The following WDR49 variants were observed in gnomAD, a reference collection of about 807,000 sequenced individuals.
WDR49 encodes WD repeat domain 49, also known as cilia- and flagella-associated protein 337.
A neutral mutation model predicts 119.5 loss-of-function variants in WDR49; 107 were observed. The observed-to-expected ratio is 0.90, with a 90% CI of 0.77 to 1.05. The LOEUF (loss-of-function observed/expected upper bound fraction) is 1.05. Ranked by LOEUF, WDR49 falls within the 50% of genes least tolerant of loss-of-function variation. WDR49 has a pLI of 0.00. For synonymous variants in WDR49, 425 were observed against 418.8 expected (o/e 1.01, Z -0.18); for missense variants, 1,240 against 1,220.5 (o/e 1.02, Z -0.24).
At chr3:167,621,347 G>T in intron 4 of WDR49, 120 bp downstream of exon 4, 3 of 1,014,830 alleles carry the variant, frequency 3.0e-6, no homozygotes, top group Non-Finnish European at 4.1e-6. Flanking sequence ...TGTCCAATGT[G>T]CATGTAATCC....
chr3:167,612,576 T>C (rs1425668164), intron 5 of WDR49, among the ~76,000 whole-genome samples: 1 of 151,286 alleles, frequency 6.6e-6, no homozygotes, highest in African/African-American at 2.4e-5. Flanking sequence ...TTTAGCCAGA[T>C]TAAGAAAAAA....
In WDR49 at chr3:167,531,222, G is replaced by A; in HGVS notation, c.2111C>T (p.Ala704Val). The A allele has an allele frequency of 5.0e-6, 8 of 1,611,626 alleles. No homozygotes were observed. The highest frequency in any genetic ancestry group is 6.8e-6 in the Non-Finnish European group (8 of 1,179,574). The change falls in exon 13 of 19, where the codon GCA becomes GTA. Residue 704 changes from alanine (A) to valine (V), a missense_variant. Transcript: ENST00000682715. The part of the protein sequence containing the change: ...AGRSQPSHPM[A>V]DHSTTGVRNF... ...GCGGACTCCCGTGGTAGAATGGTCTGCCATGGGGTGGGAGGGTTGGCTTCT... is the reference window on the plus strand; with the variant it reads ...GCGGACTCCCGTGGTAGAATGGTCTACCATGGGGTGGGAGGGTTGGCTTCT...
chr3:167,632,424 T>C (rs1026023578), intron 2 of WDR49, among the ~76,000 whole-genome samples: 6 of 152,046 alleles, frequency 3.9e-5, no homozygotes, highest in Non-Finnish European at 7.4e-5. Flanking sequence ...GCCTAGGTTA[T>C]GAAATTTGAC....
chr3:167,555,025 A>T (rs1310222829), intron 9 of WDR49, among the ~76,000 whole-genome samples: 1 of 152,178 alleles, frequency 6.6e-6, no homozygotes, highest in Admixed American at 6.5e-5. Flanking sequence ...TAATGATAAG[A>T]TAGTATTTAG....
At chr3:167,637,264 T>G (rs1029578599) in intron 2 of WDR49, among the ~76,000 whole-genome samples, 2 of 151,742 alleles carry the variant, frequency 1.3e-5, no homozygotes, top group Admixed American at 1.3e-4. Context: ...TTTCCCCACT[T>G]TATGTTTTTG....
At chr3:167,598,635 C>T (rs1048633710) in intron 7 of WDR49, among the ~76,000 whole-genome samples, 1 of 152,212 alleles carries the variant, frequency 6.6e-6, no homozygotes, top group Admixed American at 6.5e-5. Flanking sequence ...GAGGGCTCCC[C>T]AGCCATGTGG....
intron 18 of WDR49, among the ~76,000 whole-genome samples, chr3:167,488,457 G>A (rs1224068291): frequency 6.6e-6 from 1 of 151,602 alleles, no homozygotes; most frequent in Non-Finnish European, 1.5e-5. Flanking sequence ...TCATTACCTG[G>A]GTGCAATATA....
intron 15 of WDR49, among the ~76,000 whole-genome samples, chr3:167,525,696 C>A (rs1367752974): frequency 6.6e-6 from 1 of 152,070 alleles, no homozygotes; most frequent in East Asian, 1.9e-4. Context: ...GATAAACATG[C>A]ATTTATGAAT....
intron 16 of WDR49, among the ~76,000 whole-genome samples, chr3:167,521,694 C>T (rs1219734201): frequency 2.6e-5 from 4 of 151,970 alleles, no homozygotes; most frequent in Non-Finnish European, 5.9e-5. Context: ...AATAAAATAG[C>T]CATTTAGCAT....
At chr3:167,482,228 C>T (rs1379574993) in intron 18 of WDR49, among the ~76,000 whole-genome samples, 2 of 151,984 alleles carry the variant, frequency 1.3e-5, no homozygotes, top group Non-Finnish European at 2.9e-5. Flanking sequence ...AGAGCAATGC[C>T]TACAAGATAA....
chr3:167,574,928 A>G lies in WDR49; in HGVS notation c.1509+990T>C, dbSNP rs146262498. On this transcript the variant is annotated intron_variant, in intron 8 of 18. Transcript: ENST00000682715. ...TGGAATTCAAAATGAGTTGTTTTCT[A>G]AATGATTTTATCTCCTAGAATAACC... 6.1e-3 allele frequency among the ~76,000 whole-genome samples: 924 copies of G among 152,306 alleles called. 6 individuals carry two copies. The highest frequency in any genetic ancestry group is 0.01 in the Middle Eastern group (3 of 294).
Position 167,568,049 on chromosome 3 carries a change from T to C in WDR49, c.1510-7821A>G, listed in dbSNP as rs537966589. ...AAAATAACAGAGTTGGTCTATCCCT[T>C]CCTGCCTTAAATCCTGATGCTTGCT... On this transcript the variant is annotated intron_variant, in intron 8 of 18. Transcript: ENST00000682715. Among the ~76,000 whole-genome samples, 10 of 152,352 alleles carry C rather than the reference T, an allele frequency of 6.6e-5. No individual in the cohort carries two copies. In the South Asian group the frequency reaches 1.9e-3, roughly 28 times the overall value.
intron 2 of WDR49, among the ~76,000 whole-genome samples, chr3:167,631,417 A>AT (rs1264229451): frequency 6.6e-6 from 1 of 152,076 alleles, no homozygotes; most frequent in East Asian, 1.9e-4. Context: ...GAATGTACAC[A>AT]TTGGGAGACT....
In WDR49 at chr3:167,620,544, T is replaced by C; in HGVS notation, c.843A>G (p.Ala281=). Reference sequence around the variant, plus strand: ...TCATAGTGGCTTCTCCATCTTCACATGCACTAGCAGGCCGTTCAAACAGGG... The same window carrying C: ...TCATAGTGGCTTCTCCATCTTCACACGCACTAGCAGGCCGTTCAAACAGGG... The part of the protein sequence containing the change: ...LISLFERPAS[A]CEDGEATMTI... The change falls in exon 5 of 19, where the codon GCA becomes GCG. Residue 281 remains alanine, a synonymous_variant. Coordinates refer to ENST00000682715, the MANE Select transcript of WDR49 (RefSeq NM_001366157.1). 3.9e-6 allele frequency: 6 copies of C among 1,535,716 alleles called. No individual in the cohort carries two copies. The highest frequency in any genetic ancestry group is 2.4e-5 in the South Asian group (2 of 84,016).
chr3:167,488,731 T>A (rs1751016893), intron 18 of WDR49, among the ~76,000 whole-genome samples: 1 of 152,172 alleles, frequency 6.6e-6, no homozygotes, highest in East Asian at 1.9e-4. Context: ...CATTCCTCTT[T>A]AAATCCTCTG....
At chr3:167,595,522 T>G (rs2108299616) in intron 7 of WDR49, among the ~76,000 whole-genome samples, 1 of 152,182 alleles carries the variant, frequency 6.6e-6, no homozygotes, top group East Asian at 1.9e-4. Flanking sequence ...AAAACAGAGA[T>G]ATAGATCAAT....
At chr3:167,544,388 A>G (rs1712035486) in intron 10 of WDR49, among the ~76,000 whole-genome samples, 1 of 151,958 alleles carries the variant, frequency 6.6e-6, no homozygotes, top group Non-Finnish European at 1.5e-5. Context: ...CAAATCTGGA[A>G]GCATCACATT....
intron 10 of WDR49, among the ~76,000 whole-genome samples, chr3:167,544,297 A>C (rs1712027259): frequency 6.6e-6 from 1 of 152,122 alleles, no homozygotes; most frequent in South Asian, 2.1e-4. Context: ...CATTCTTCAC[A>C]GAATTAGAAA....
intron 15 of WDR49, among the ~76,000 whole-genome samples, chr3:167,526,644 G>A (rs1210506650): frequency 1.3e-5 from 2 of 152,096 alleles, no homozygotes; most frequent in South Asian, 4.1e-4. Flanking sequence ...GATTGCTACA[G>A]CTCCGGAGTG....
Sources: allele counts gnomAD v4.1 joint callset (sites outside exome capture counted in the v4.1 genomes callset), GRCh38; gene constraint gnomAD v4.1.1; transcripts MANE v1.5; gene names NCBI Gene and HGNC (gene_info 2026-07-23, HGNC 2026-07-21).